The following GAB1 variants were observed in gnomAD, a reference collection of about 807,000 sequenced individuals.
GAB1 encodes the protein GRB2-associated-binding protein 1.
A neutral mutation model predicts 66.5 loss-of-function variants in GAB1; 19 were observed. That is an observed-to-expected ratio of 0.29 (90% CI 0.20 to 0.42). The LOEUF is 0.42. Ranked by LOEUF, GAB1 falls within the 10% of genes least tolerant of loss-of-function variation. GAB1 has a pLI of 1.00. For synonymous variants in GAB1, 294 were observed against 301.4 expected (o/e 0.98, Z 0.25); for missense variants, 732 against 858.5 (o/e 0.85, Z 1.84).
rs79949870 is a variant in GAB1 at position 143,419,759 on chromosome 4, A to G, written c.367+3988A>G. On this transcript the variant is annotated intron_variant, in intron 2 of 9. Transcript: ENST00000262994. ...GATTTTTCACAACTTCATCCTGGTTATTTCCCCAAATAGCCACATTTAGAA... is the reference window on the plus strand; with the variant it reads ...GATTTTTCACAACTTCATCCTGGTTGTTTCCCCAAATAGCCACATTTAGAA... Among the ~76,000 whole-genome samples the G allele has an allele frequency of 7.5e-3, 1,137 of 152,184 alleles. 11 individuals are homozygous for G. The highest frequency in any genetic ancestry group is 0.026 in the African/African-American group (1,088 of 41,548).
chr4:143,408,488 T>A (rs1037884180), intron 1 of GAB1, among the ~76,000 whole-genome samples: 2 of 152,160 alleles, frequency 1.3e-5, no homozygotes, highest in African/African-American at 4.8e-5. Context: ...AAACACACAG[T>A]TATTTCACAC....
chr4:143,346,551 G>A (rs1728996953), intron 1 of GAB1, among the ~76,000 whole-genome samples: 1 of 152,176 alleles, frequency 6.6e-6, no homozygotes, highest in South Asian at 2.1e-4. Context: ...TTGTAAGAGA[G>A]ATACTAGGTA....
rs150864944 is a variant in GAB1 at position 143,341,350 on chromosome 4, C to G, written c.72+4090C>G. ...AAAGAAATGATGGTGAAATTTTCAT[C>G]AGAACCTGAAATTTTAGCTGAAATA... On this transcript the variant is annotated intron_variant, in intron 1 of 9. Coordinates refer to ENST00000262994, the MANE Select transcript of GAB1 (RefSeq NM_002039.4). 1.7e-3 allele frequency among the ~76,000 whole-genome samples: 252 copies of G among 152,354 alleles called. 4 individuals are homozygous for G. The highest frequency in any genetic ancestry group is 0.014 in the Middle Eastern group (4 of 294).
At chr4:143,360,786 C>T (rs146073754) in intron 1 of GAB1, among the ~76,000 whole-genome samples, 3 of 152,204 alleles carry the variant, frequency 2.0e-5, no homozygotes, top group African/African-American at 7.2e-5. Flanking sequence ...GTAAAAGTTA[C>T]TGGTAATAAG....
intron 2 of GAB1, chr4:143,425,981 T>TA: frequency 1.5e-6 from 1 of 686,900 alleles, no homozygotes; most frequent in Non-Finnish European, 2.5e-6. Context: ...CATCAGTATC[T>TA]AAATAAAAAA....
intron 1 of GAB1, among the ~76,000 whole-genome samples, chr4:143,374,671 G>A (rs1730336979): frequency 6.6e-6 from 1 of 152,124 alleles, no homozygotes; most frequent in Non-Finnish European, 1.5e-5. Flanking sequence ...AACCAAAGTT[G>A]CTTCTGAAGT....
intron 4 of GAB1, among the ~76,000 whole-genome samples, chr4:143,438,835 C>T (rs1208793010): frequency 6.6e-6 from 1 of 152,120 alleles, no homozygotes; most frequent in African/African-American, 2.4e-5. Flanking sequence ...CTTCCTGCCT[C>T]AGGAAGTGTG....
chr4:143,400,098 G>GCCT (rs1731686917), intron 1 of GAB1, among the ~76,000 whole-genome samples: 1 of 152,070 alleles, frequency 6.6e-6, no homozygotes, highest in Non-Finnish European at 1.5e-5. Flanking sequence ...GCACCACCAT[G>GCCT]CCTGGCTCAT....
chr4:143,385,981 A>T (rs1490357132), intron 1 of GAB1, among the ~76,000 whole-genome samples: 1 of 151,192 alleles, frequency 6.6e-6, no homozygotes, highest in Non-Finnish European at 1.5e-5. Flanking sequence ...TTATACAAAA[A>T]TTTAAAAAAA....
intron 1 of GAB1, chr4:143,376,793 C>CA (rs1167220320): frequency 1.1e-4 from 16 of 152,042 alleles, no homozygotes; most frequent in Admixed American, 7.2e-4. Context: ...TGATTGTAAA[C>CA]AGCTTTAAAC....
intron 6 of GAB1, among the ~76,000 whole-genome samples, chr4:143,447,230 A>G (rs2149771350): frequency 6.6e-6 from 1 of 152,232 alleles, no homozygotes; most frequent in South Asian, 2.1e-4. Context: ...AGGTAGTGTG[A>G]TGCCTCCAGC....
chr4:143,412,304 A>C (rs1453495964), intron 1 of GAB1, among the ~76,000 whole-genome samples: 2 of 152,152 alleles, frequency 1.3e-5, no homozygotes, highest in Non-Finnish European at 1.5e-5. Context: ...AAGTTGTCTT[A>C]GTTATGTTTA....
At position 143,415,660 on chromosome 4, in the gene GAB1, G is replaced by A. The variant is rs374885566; in HGVS notation, c.256G>A (p.Asp86Asn). Residue 86 changes from aspartate (D) to asparagine (N), a missense_variant, in exon 2 of 10, where the codon GAT (aspartate) becomes AAT (asparagine). Around this residue, in one of 4 missense-constraint regions of GAB1, gnomAD observed 66 missense variants for 130.3 expected, o/e 0.51. Transcript: ENST00000262994. ...AGAGTTTGAAAACAGCTACATTTTT[G>A]ATATCAACACTATTGACCGGATTTT... is the stretch of plus-strand genomic sequence containing the variant. ...KKEFENSYIFDINTIDRIFYL... is the reference protein window; with the variant it reads ...KKEFENSYIFNINTIDRIFYL... 6.2e-7 allele frequency: 1 copy of A among 1,614,014 alleles called. No homozygotes were observed. Among genetic ancestry groups the A allele is most frequent in the Non-Finnish European group, 8.5e-7 (1 of 1,179,914 alleles).
rs1560726049 is a variant in GAB1, at chr4:143,373,887, T to TATATATATATATATATATATATATATA, written c.72+36627_72+36628insATATATATATATATATATATATATATA. 1.8e-4 allele frequency among the ~76,000 whole-genome samples: 18 copies of TATATATATATATATATATATATATATA among 98,258 alleles called. 1 individual carries two copies. Among genetic ancestry groups the TATATATATATATATATATATATATATA allele is most frequent in the Admixed American group, 3.1e-4 (3 of 9,762 alleles). 64.5% of individuals were successfully genotyped at this position (98,258 alleles called of 152,430 possible). A position where few individuals can be genotyped will look rare whatever the true frequency, so the allele number is the denominator to read the frequency against. On this transcript the variant is annotated intron_variant, in intron 1 of 9. Transcript: ENST00000262994. ...TAAATAAATATATATATATATATAT[T>TATATATATATATATATATATATATATA]TTTACCTTTCTAACATTGCAGGGAG... is the stretch of plus-strand genomic sequence containing the variant.
chr4:143,436,847 T>G (rs750093458), intron 3 of GAB1, among the ~76,000 whole-genome samples: 1 of 152,114 alleles, frequency 6.6e-6, no homozygotes, highest in Non-Finnish European at 1.5e-5. Context: ...TGATGGAAGT[T>G]GTCAGCATTC....
intron 1 of GAB1, among the ~76,000 whole-genome samples, chr4:143,352,507 G>T (rs1729271172): frequency 6.6e-6 from 1 of 152,138 alleles, no homozygotes; most frequent in African/African-American, 2.4e-5. Context: ...GTGTCATTTG[G>T]TTGGGAAAAA....
intron 1 of GAB1, among the ~76,000 whole-genome samples, chr4:143,402,967 G>T (rs1241876041): frequency 6.6e-6 from 1 of 152,216 alleles, no homozygotes; most frequent in Non-Finnish European, 1.5e-5. Flanking sequence ...GTCGGTTGTT[G>T]TCTGTTACCT....
At chr4:143,391,163 T>C (rs928476094) in intron 1 of GAB1, among the ~76,000 whole-genome samples, 11 of 152,212 alleles carry the variant, frequency 7.2e-5, no homozygotes, top group African/African-American at 2.7e-4. Context: ...GCAACCATTA[T>C]GTATTTATTT....
intron 1 of GAB1, chr4:143,350,193 C>G: frequency 3.2e-6 from 2 of 632,780 alleles, no homozygotes; most frequent in Non-Finnish European, 5.6e-6. Flanking sequence ...CTAAATGTAT[C>G]ATGGGCCCCA....
Sources: allele counts gnomAD v4.1 joint callset (sites outside exome capture counted in the v4.1 genomes callset), GRCh38; gene constraint gnomAD v4.1.1; regional missense constraint gnomAD v4.1.1; transcripts MANE v1.5; gene names NCBI Gene and HGNC (gene_info 2026-07-23, HGNC 2026-07-21).